SLC26A7: variants seen among roughly 807,000 people sequenced by gnomAD.
SLC26A7 encodes the protein anion exchange transporter.
Under a neutral mutation model 82.5 loss-of-function variants are expected in SLC26A7, and 59 were observed. That is an observed-to-expected ratio of 0.72 (90% confidence interval 0.58 to 0.89). The LOEUF is 0.89. Ranked by LOEUF, SLC26A7 falls within the 40% of genes least tolerant of loss-of-function variation. The pLI, the probability that SLC26A7 is intolerant of heterozygous loss-of-function variation, is 0.00. For synonymous variants in SLC26A7, 271 were observed against 274.3 expected, an observed-to-expected ratio of 0.99 and a Z score of 0.12; for missense variants, 820 against 793.0, an observed-to-expected ratio of 1.03 and a Z score of -0.41.
At chr8:91,289,284 C>A (rs756967704) in intron 3 of SLC26A7, 38 bp downstream of exon 3, 2 of 1,466,660 alleles carry the variant, frequency 1.4e-6, no homozygotes, top group East Asian at 4.5e-5. Flanking sequence ...ATGTTACTCG[C>A]AAAAAAGACT....
chr8:91,354,653 T>C (rs1813811674), intron 11 of SLC26A7, among the ~76,000 whole-genome samples: 1 of 152,114 alleles, frequency 6.6e-6, no homozygotes, highest in Non-Finnish European at 1.5e-5. Context: ...GCTTTAGCCC[T>C]TCAGGCATAT....
intron 2 of SLC26A7, among the ~76,000 whole-genome samples, chr8:91,272,047 C>G (rs575123689): frequency 1.1e-4 from 17 of 152,228 alleles, no homozygotes; most frequent in African/African-American, 3.6e-4. Context: ...AAAAAACTAG[C>G]CTTTAACACT....
intron 9 of SLC26A7, chr8:91,348,170 A>G: frequency 4.6e-6 from 1 of 218,886 alleles, no homozygotes; most frequent in Non-Finnish European, 7.8e-6. Flanking sequence ...TATTCTTTTG[A>G]AATTTGGCTA....
At chr8:91,245,223 C>T (rs1810527938), upstream of SLC26A7, among the ~76,000 whole-genome samples, 1 of 152,036 alleles carries the variant, frequency 6.6e-6, no homozygotes, top group African/African-American at 2.4e-5. Flanking sequence ...TGGGATTGGG[C>T]TCTTAAGTAG....
chr8:91,279,709 A>T (rs570419511), intron 2 of SLC26A7, among the ~76,000 whole-genome samples: 1 of 151,930 alleles, frequency 6.6e-6, no homozygotes, highest in African/African-American at 2.4e-5. Context: ...ATAGGCGTCC[A>T]CCACCACGCC....
In SLC26A7 at chr8:91,218,934, A is replaced by G. The variant is rs199975354; in HGVS notation, c.-105A>G. 4.1e-5 allele frequency: 63 copies of G among 1,550,948 alleles called. No individual in the cohort carries two copies. In the East Asian group the frequency reaches 1.4e-3, roughly 34 times the overall value. On this transcript the variant is annotated 5_prime_UTR_variant, in exon 2 of 6. Transcript: ENST00000522862. Reference sequence around the variant, plus strand: ...ATCTGAAGCTGGTGCCTCTCCAAGTATTAATTTGTTCTTACAAATGTTTTA... The same window carrying G: ...ATCTGAAGCTGGTGCCTCTCCAAGTGTTAATTTGTTCTTACAAATGTTTTA...
chr8:91,297,612 T>C (rs1009389102), intron 4 of SLC26A7, among the ~76,000 whole-genome samples: 2 of 152,192 alleles, frequency 1.3e-5, no homozygotes, highest in African/African-American at 4.8e-5. Context: ...ATCTTGGATA[T>C]GTGACTTACG....
At chr8:91,233,462 G>A (rs1459835312) in intron 2 of SLC26A7, among the ~76,000 whole-genome samples, 1 of 152,094 alleles carries the variant, frequency 6.6e-6, no homozygotes, top group African/African-American at 2.4e-5. Context: ...AGCTACTTGG[G>A]AGGCTGAGAC....
rs1808533349 is a variant in SLC26A7, at chr8:91,395,121, C to A, written c.*24C>A. 6.2e-7 allele frequency: 1 copy of A among 1,612,678 alleles called. No homozygotes were observed. The highest frequency in any genetic ancestry group is 8.5e-7 in the Non-Finnish European group (1 of 1,179,188). On this transcript the variant is annotated 3_prime_UTR_variant, in exon 19 of 19. Coordinates refer to ENST00000276609, the MANE Select transcript of SLC26A7 (RefSeq NM_052832.4). ...GAGACCCTTTTGTCACAGTACAGCT[C>A]TTGTCTTTACCAACTGCCTGAAGAG...
chr8:91,290,652 A>G (rs1811839095), intron 3 of SLC26A7, among the ~76,000 whole-genome samples: 1 of 152,198 alleles, frequency 6.6e-6, no homozygotes, highest in African/African-American at 2.4e-5. Flanking sequence ...TTTTAAGATC[A>G]GCTGCTTGGC....
chr8:91,390,401 A>G (rs1260071622), intron 16 of SLC26A7, among the ~76,000 whole-genome samples: 1 of 151,928 alleles, frequency 6.6e-6, no homozygotes, highest in Middle Eastern at 3.4e-3. Context: ...ACAGGCGTGA[A>G]CCTCCTTCTT....
At position 91,390,541 on chromosome 8, in the gene SLC26A7, C is replaced by T. The variant is rs79815735; in HGVS notation, c.1776+1103C>T. Among the ~76,000 whole-genome samples the T allele has an allele frequency of 4.9e-3, 746 of 152,140 alleles. 10 individuals carry two copies. The highest frequency in any genetic ancestry group is 0.017 in the African/African-American group (685 of 41,506). ...GGGGCAGCATCTGTTCTTTGGTTTC[C>T]CCAGTCTTCTGCCAGCTTCTGAGCC... On this transcript the variant is annotated intron_variant, in intron 16 of 18. Coordinates refer to ENST00000276609, the MANE Select transcript of SLC26A7 (RefSeq NM_052832.4).
chr8:91,244,721 A>G (rs1228842650), upstream of SLC26A7, among the ~76,000 whole-genome samples: 4 of 151,808 alleles, frequency 2.6e-5, no homozygotes, highest in African/African-American at 7.3e-5. Flanking sequence ...AGGTCTCACT[A>G]TGTTTCCCAG....
In SLC26A7 at chr8:91,378,186, C is replaced by T. The variant is rs185168974; in HGVS notation, c.1675+8353C>T. 2.4e-4 allele frequency among the ~76,000 whole-genome samples: 36 copies of T among 151,416 alleles called. No individual in the cohort carries two copies. In the East Asian group the frequency reaches 5.2e-3, roughly 22 times the overall value. ...TAATGAATAAATGGAAAAAAGGGAG[C>T]AAACAAGGGAGGGAGAGCAGGAAAA... On this transcript the variant is annotated intron_variant, in intron 15 of 18. Coordinates refer to ENST00000276609, the MANE Select transcript of SLC26A7 (RefSeq NM_052832.4).
rs558019958 is a variant in SLC26A7, at chr8:91,322,815, T to A, written c.642+4435T>A. Among the ~76,000 whole-genome samples the A allele has an allele frequency of 3.3e-5, 5 of 152,200 alleles. No homozygotes were observed. The South Asian group carries it at 1.0e-3, about 31-fold the overall frequency. ...TTCAGCCATCCTTCTTGGAAGTTTT[T>A]ATTTTCTGCCCTAAAAATGGGTAGT... On this transcript the variant is annotated intron_variant, in intron 5 of 18. Transcript: ENST00000276609.
chr8:91,347,702 A>T (rs1813602591), intron 9 of SLC26A7, among the ~76,000 whole-genome samples: 1 of 152,160 alleles, frequency 6.6e-6, no homozygotes, highest in Non-Finnish European at 1.5e-5. Context: ...GATTGGAACA[A>T]CAAGAGTTAC....
intron 2 of SLC26A7, among the ~76,000 whole-genome samples, chr8:91,220,402 T>C (rs1810140953): frequency 6.6e-6 from 1 of 150,760 alleles, no homozygotes; most frequent in African/African-American, 2.4e-5. Flanking sequence ...AAAAAAAAAC[T>C]GGGATACATG....
intron 2 of SLC26A7, among the ~76,000 whole-genome samples, chr8:91,225,397 C>T (rs1007106695): frequency 6.6e-6 from 1 of 152,038 alleles, no homozygotes; most frequent in Non-Finnish European, 1.5e-5. Context: ...CACTGCCTCC[C>T]TTCTCTGGTG....
intron 2 of SLC26A7, among the ~76,000 whole-genome samples, chr8:91,267,306 T>G (rs1318220953): frequency 6.6e-6 from 1 of 151,956 alleles, no homozygotes; most frequent in Non-Finnish European, 1.5e-5. Context: ...CCTCTTCAAC[T>G]GTTTTGGAAG....
Sources: gnomAD v4.1 joint callset for allele counts (sites outside exome capture counted in the v4.1 genomes callset) on GRCh38, gnomAD v4.1.1 for gene constraint, MANE v1.5 for transcripts, NCBI Gene and HGNC (gene_info 2026-07-23, HGNC 2026-07-21) for gene names.